ANO2: variants seen among roughly 807,000 people sequenced by gnomAD.
ANO2 encodes the protein anoctamin 2.
Under a neutral mutation model 124.2 loss-of-function variants are expected in ANO2, and 101 were observed. The observed-to-expected ratio is 0.81, with a 90% CI of 0.69 to 0.96. The LOEUF (loss-of-function observed/expected upper bound fraction) is 0.96, where lower values mean the gene tolerates loss of function less well. ANO2 is among the 40% of genes least tolerant of loss of function. The pLI, the probability that ANO2 is intolerant of heterozygous loss-of-function variation, is 0.00. For synonymous variants in ANO2, 486 were observed against 482.5 expected (o/e 1.01, Z -0.09); for missense variants, 1,293 against 1,274.5 (o/e 1.01, Z -0.22).
chr12:5,632,147 C>A (rs750384353), intron 16 of ANO2, among the ~76,000 whole-genome samples: 37 of 152,128 alleles, frequency 2.4e-4, no homozygotes, highest in Non-Finnish European at 4.6e-4. Context: ...GAGCTCAAAG[C>A]TTCTTTCCAC....
At chr12:5,942,734 A>T (rs1942944647) in intron 1 of ANO2, among the ~76,000 whole-genome samples, 1 of 152,224 alleles carries the variant, frequency 6.6e-6, no homozygotes, top group South Asian at 2.1e-4. Flanking sequence ...CCTTCATTTA[A>T]TGCAATCTCT....
rs1365364789 is a variant in ANO2, at chr12:5,904,328, T to C, written c.534+16712A>G. On this transcript the variant is annotated intron_variant, in intron 3 of 24. Transcript: ENST00000682330. The surrounding 1 kb of genome is among the most constrained non-coding windows in gnomAD (Gnocchi z 4.1). ...ATACACCACCATTCACCTAAGGCTT[T>C]GATCCCTGAGAAAAATGCAGCTGCC... 6.6e-6 allele frequency among the ~76,000 whole-genome samples: 1 copy of C among 152,206 alleles called. No individual in the cohort carries two copies.
intron 3 of ANO2, among the ~76,000 whole-genome samples, chr12:5,882,804 G>A (rs1042304971): frequency 6.6e-6 from 1 of 152,178 alleles, no homozygotes; most frequent in Non-Finnish European, 1.5e-5. Flanking sequence ...AGGAAAAAAG[G>A]CAGAGATCTT....
chr12:5,638,589 T>A (rs531744148), intron 15 of ANO2, among the ~76,000 whole-genome samples: 1 of 151,446 alleles, frequency 6.6e-6, no homozygotes, highest in Non-Finnish European at 1.5e-5. Context: ...CCGCTTATTG[T>A]GCGACCCACT....
At chr12:5,888,217 G>A (rs1034628376) in intron 3 of ANO2, among the ~76,000 whole-genome samples, 4 of 151,666 alleles carry the variant, frequency 2.6e-5, no homozygotes, top group Non-Finnish European at 4.4e-5. Context: ...TTAAGGCGGC[G>A]CGTCTGGAGT....
At chr12:5,603,668 G>C (rs573876367) in intron 19 of ANO2, among the ~76,000 whole-genome samples, 3 of 152,108 alleles carry the variant, frequency 2.0e-5, no homozygotes, top group African/African-American at 7.2e-5. Flanking sequence ...TGATGAGGCC[G>C]GGCGCAGTGG....
chr12:5,641,727 T>C (rs1946402514), intron 15 of ANO2, among the ~76,000 whole-genome samples: 1 of 152,198 alleles, frequency 6.6e-6, no homozygotes. Context: ...AGATTCTCAA[T>C]TAGTTATTGG....
intron 6 of ANO2, 142 bp downstream of exon 6, chr12:5,830,290 GCTC>G: frequency 4.2e-6 from 3 of 712,858 alleles, no homozygotes; most frequent in African/African-American, 1.8e-5. Context: ...GAATGGGGAA[GCTC>G]TTGCATACTC....
intron 1 of ANO2, among the ~76,000 whole-genome samples, chr12:5,939,669 A>C (rs1467186998): frequency 6.6e-6 from 1 of 152,242 alleles, no homozygotes; most frequent in Non-Finnish European, 1.5e-5. Context: ...TATGAGTCAC[A>C]GTAATGCCAT....
rs993961810 is a variant in ANO2 at position 5,612,884 on chromosome 12, C to A, written c.1986+17G>T. ...GGGTTGGGGTGCCAGGCATGAAACA[C>A]CAGTGGCTGTACTTGCCTCTTCCAT... On this transcript the variant is annotated intron_variant, in intron 18 of 24. Coordinates refer to ENST00000682330, the MANE Select transcript of ANO2 (RefSeq NM_001364791.2). 6.2e-7 allele frequency: 1 copy of A among 1,613,856 alleles called. No individual in the cohort carries two copies.
At chr12:5,943,302 TG>T (rs1942968246) in intron 1 of ANO2, among the ~76,000 whole-genome samples, 1 of 151,946 alleles carries the variant, frequency 6.6e-6, no homozygotes, top group African/African-American at 2.4e-5. Context: ...TGTGTGTGTG[TG>T]TGTGTGTGTG....
intron 4 of ANO2, among the ~76,000 whole-genome samples, chr12:5,833,015 G>T (rs1021250052): frequency 6.6e-6 from 1 of 152,158 alleles, no homozygotes; most frequent in Non-Finnish European, 1.5e-5. Flanking sequence ...GAGGTGAGGC[G>T]AATTAACAAA....
At chr12:5,786,656 C>T (rs76930378) in intron 10 of ANO2, among the ~76,000 whole-genome samples, 2 of 152,186 alleles carry the variant, frequency 1.3e-5, no homozygotes, top group African/African-American at 4.8e-5. Context: ...GCCATCACCG[C>T]TGCACATCCG....
chr12:5,760,625 C>A (rs1951711640), intron 10 of ANO2, among the ~76,000 whole-genome samples: 1 of 152,052 alleles, frequency 6.6e-6, no homozygotes, highest in South Asian at 2.1e-4. Context: ...ATTACACATC[C>A]ACTATAATTC....
At chr12:5,853,970 G>T in intron 4 of ANO2, 73 bp downstream of exon 4, 2 of 1,195,400 alleles carry the variant, frequency 1.7e-6, no homozygotes, top group Non-Finnish European at 2.4e-6. Context: ...CATCCCACCT[G>T]GCCCTATTCC....
rs1047719982 is a variant in ANO2, at chr12:5,635,306, A to T, written c.1662T>A (p.Tyr554Ter). 5.6e-6 allele frequency: 9 copies of T among 1,606,014 alleles called. No homozygotes were observed. The highest frequency in any genetic ancestry group is 7.6e-6 in the Non-Finnish European group (9 of 1,177,446). Residue 554 changes from tyrosine to a stop codon, truncating the protein, a stop_gained, in exon 16 of 25, where the codon TAT becomes TAA. Transcript: ENST00000682330. LOFTEE classifies it high-confidence loss of function. This position sits in a 1 kb window ranked among gnomAD's most constrained non-coding sequence, Gnocchi z 5.2. ...ACAGAGCGGCTGCAGTTGTTATTCG[A>T]TACACTATCACCCCAAAGACGATTG... ...TFSIVFGVIVYRITTAAALSL... is the reference protein window; with the variant it reads ...TFSIVFGVIV
chr12:5,787,107 T>G lies in ANO2; in HGVS notation c.1055+12400A>C, dbSNP rs1952562053. 6.6e-6 allele frequency among the ~76,000 whole-genome samples: 1 copy of G among 151,612 alleles called. No individual in the cohort carries two copies. On this transcript the variant is annotated intron_variant, in intron 10 of 24. Coordinates refer to ENST00000682330, the MANE Select transcript of ANO2 (RefSeq NM_001364791.2). This position sits in a 1 kb window ranked among gnomAD's most constrained non-coding sequence, Gnocchi z 4.2. ...GACAAAAGAGGCTCTGGGCTCAGAG[T>G]CATGATGGCCAGGCTGCCCACAAGT...
intron 16 of ANO2, among the ~76,000 whole-genome samples, chr12:5,619,697 A>G (rs1376993810): frequency 1.3e-5 from 2 of 152,248 alleles, no homozygotes; most frequent in African/African-American, 2.4e-5. Flanking sequence ...TGGAAAGAGG[A>G]AGCCCAGATT....
At chr12:5,841,432 G>T (rs11614396) in intron 4 of ANO2, among the ~76,000 whole-genome samples, 7,790 of 152,290 alleles carry the variant, frequency 0.051, 253 homozygotes, top group African/African-American at 0.085. Flanking sequence ...TTCTGTATTT[G>T]TTTATGGTTT....
Sources: allele counts gnomAD v4.1 joint callset (sites outside exome capture counted in the v4.1 genomes callset), GRCh38; gene constraint gnomAD v4.1.1; non-coding constraint Gnocchi (gnomAD v3.1); transcripts MANE v1.5; gene names NCBI Gene and HGNC (gene_info 2026-07-23, HGNC 2026-07-21).